The following KCNQ5 variants were observed in gnomAD, a reference collection of about 807,000 sequenced individuals.
KCNQ5 encodes potassium voltage-gated channel subfamily Q member 5.
In KCNQ5, 30 loss-of-function variants were observed where a neutral mutation model predicts 98.2. The observed-to-expected ratio is 0.31, with a 90% CI of 0.23 to 0.41. The LOEUF (loss-of-function observed/expected upper bound fraction) is 0.41, where lower values mean the gene tolerates loss of function less well. Ranked by LOEUF, KCNQ5 falls within the 10% of genes least tolerant of loss-of-function variation. The pLI is 1.00. For synonymous variants in KCNQ5, 458 were observed against 449.4 expected (o/e 1.02, Z -0.24); for missense variants, 835 against 1,182.5 (o/e 0.71, Z 4.31).
chr6:73,014,514 C>T (rs1285593324), intron 2 of KCNQ5, among the ~76,000 whole-genome samples: 5 of 152,042 alleles, frequency 3.3e-5, no homozygotes, highest in Non-Finnish European at 7.4e-5. Context: ...AGTACTCTAT[C>T]CAGGCTTTCC....
intron 11 of KCNQ5, among the ~76,000 whole-genome samples, chr6:73,186,149 T>C (rs1778563576): frequency 6.6e-6 from 1 of 151,984 alleles, no homozygotes; most frequent in Admixed American, 6.6e-5. Context: ...GATTGGCAGA[T>C]CTGGGAGGTC....
intron 1 of KCNQ5, among the ~76,000 whole-genome samples, chr6:72,933,862 A>G (rs965841763): frequency 2.0e-5 from 3 of 152,174 alleles, no homozygotes; most frequent in Non-Finnish European, 4.4e-5. Flanking sequence ...TAATTATTCT[A>G]GTTTTAGGCA....
chr6:72,932,994 T>C (rs1369851092), intron 1 of KCNQ5, among the ~76,000 whole-genome samples: 3 of 152,208 alleles, frequency 2.0e-5, no homozygotes, highest in Admixed American at 6.5e-5. Context: ...CAATTGACTA[T>C]GATTTTTATA....
chr6:72,781,742 G>A (rs941931737), intron 1 of KCNQ5, among the ~76,000 whole-genome samples: 1 of 152,012 alleles, frequency 6.6e-6, no homozygotes, highest in Non-Finnish European at 1.5e-5. Context: ...TTCTATGCTT[G>A]AAAAAAAGTA....
chr6:72,792,988 C>G (rs559232583), intron 1 of KCNQ5, among the ~76,000 whole-genome samples: 3 of 152,276 alleles, frequency 2.0e-5, no homozygotes, highest in African/African-American at 7.2e-5. Flanking sequence ...TTACCCACCT[C>G]CTGGGAGAGT....
rs1220212322 is a variant in KCNQ5 at position 72,675,554 on chromosome 6, A to G, written c.398+52967A>G. Among the ~76,000 whole-genome samples, 4 of 152,210 alleles carry G rather than the reference A, an allele frequency of 2.6e-5. No homozygotes were observed. The East Asian group carries it at 5.8e-4, about 22-fold the overall frequency. ...CTTGCAGTCTTGCATCTTACCAGAC[A>G]AACAATCTGAGATTAACCATCAGTA... On this transcript the variant is annotated intron_variant, in intron 1 of 13. Transcript: ENST00000370398.
At chr6:73,024,719 A>G (rs1037463434) in intron 2 of KCNQ5, among the ~76,000 whole-genome samples, 2 of 152,224 alleles carry the variant, frequency 1.3e-5, no homozygotes, top group Non-Finnish European at 2.9e-5. Flanking sequence ...GCTTTTTATA[A>G]GACTGACATT....
chr6:72,980,706 C>T (rs1365031957), intron 1 of KCNQ5, among the ~76,000 whole-genome samples: 2 of 152,160 alleles, frequency 1.3e-5, no homozygotes, highest in Admixed American at 1.3e-4. Context: ...ACTTCCAACA[C>T]TATGTTCAAT....
chr6:73,011,482 T>G (rs147435510), intron 2 of KCNQ5, among the ~76,000 whole-genome samples: 1 of 152,158 alleles, frequency 6.6e-6, no homozygotes, highest in Non-Finnish European at 1.5e-5. Flanking sequence ...AAAATTAACT[T>G]GAAATGCCTT....
chr6:72,804,657 T>G (rs1774860964), intron 1 of KCNQ5, among the ~76,000 whole-genome samples: 1 of 152,124 alleles, frequency 6.6e-6, no homozygotes, highest in Non-Finnish European at 1.5e-5. Flanking sequence ...GTATACTGAT[T>G]TCCTTTCTTT....
chr6:73,135,789 G>A (rs1020407199), intron 10 of KCNQ5: 1 of 152,188 alleles, frequency 6.6e-6, no homozygotes, highest in African/African-American at 2.4e-5. Flanking sequence ...GAGGCTAGAA[G>A]GCCAAGTTTA....
chr6:72,962,927 A>G (rs1326069359), intron 1 of KCNQ5, among the ~76,000 whole-genome samples: 1 of 151,884 alleles, frequency 6.6e-6, no homozygotes, highest in South Asian at 2.1e-4. Context: ...ATTTAAAGAC[A>G]CTCTTGATTC....
intron 2 of KCNQ5, among the ~76,000 whole-genome samples, chr6:73,029,609 A>T (rs1022152150): frequency 2.0e-5 from 3 of 151,692 alleles, no homozygotes; most frequent in African/African-American, 4.8e-5. Flanking sequence ...ATTATCTCTG[A>T]TCAGGCCCTT....
At chr6:73,121,529 C>CA (rs1775748849) in intron 8 of KCNQ5, among the ~76,000 whole-genome samples, 1 of 152,122 alleles carries the variant, frequency 6.6e-6, no homozygotes, top group Non-Finnish European at 1.5e-5. Flanking sequence ...TCAGGTTGTT[C>CA]AAAAGTTATT....
intron 1 of KCNQ5, among the ~76,000 whole-genome samples, chr6:72,789,166 T>C (rs1773904422): frequency 6.6e-6 from 1 of 152,106 alleles, no homozygotes; most frequent in Non-Finnish European, 1.5e-5. Context: ...TGTGTGTGTG[T>C]GTGTGTGTGT....
At chr6:72,853,523 T>A (rs1191200707) in intron 1 of KCNQ5, among the ~76,000 whole-genome samples, 1 of 152,088 alleles carries the variant, frequency 6.6e-6, no homozygotes. Flanking sequence ...TTTGTGTTGT[T>A]ATTAGAGACA....
intron 1 of KCNQ5, among the ~76,000 whole-genome samples, chr6:72,909,183 G>C (rs1162981673): frequency 1.3e-5 from 2 of 152,112 alleles, no homozygotes; most frequent in African/African-American, 4.8e-5. Context: ...GTAGGTGTAA[G>C]GGGAAAAGTT....
intron 1 of KCNQ5, among the ~76,000 whole-genome samples, chr6:72,784,404 T>C (rs76688384): frequency 0.032 from 4,870 of 152,240 alleles, 256 homozygotes; most frequent in African/African-American, 0.11. Flanking sequence ...CATTGGGAGA[T>C]TTCTGCTGTG....
At chr6:73,119,707 G>A (rs886167434) in intron 7 of KCNQ5, among the ~76,000 whole-genome samples, 1 of 152,122 alleles carries the variant, frequency 6.6e-6, no homozygotes, top group African/African-American at 2.4e-5. Flanking sequence ...CTTACTAGTT[G>A]CATAATGGAT....
Sources: allele counts gnomAD v4.1 joint callset (sites outside exome capture counted in the v4.1 genomes callset), GRCh38; gene constraint gnomAD v4.1.1; transcripts MANE v1.5; gene names NCBI Gene and HGNC (gene_info 2026-07-23, HGNC 2026-07-21).